The following LARP1 variants were observed in gnomAD, a reference collection of about 807,000 sequenced individuals.
The protein encoded by LARP1 is la-related protein 1.
LARP1 carries 36 observed loss-of-function variants against 122.7 expected under a neutral mutation model. That is an observed-to-expected ratio of 0.29 (90% CI 0.22 to 0.39). The LOEUF is 0.39. Ranked by LOEUF, LARP1 falls within the 10% of genes least tolerant of loss-of-function variation. LARP1 has a pLI of 1.00. For synonymous variants in LARP1, 539 were observed against 528.7 expected, an observed-to-expected ratio of 1.02 and a Z score of -0.27; for missense variants, 1,040 against 1,403.6, an observed-to-expected ratio of 0.74 and a Z score of 4.14.
At chr5:154,780,052 C>T (rs1756294982) in intron 1 of LARP1, among the ~76,000 whole-genome samples, 1 of 152,066 alleles carries the variant, frequency 6.6e-6, no homozygotes, top group African/African-American at 2.4e-5. Context: ...GCTGCCTGGC[C>T]AGGCTGGCCT....
chr5:154,709,598 ATTTTTTTTTTTTT>A (rs60062105), upstream of LARP1, among the ~76,000 whole-genome samples: 1,200 of 81,388 alleles, frequency 0.015, 21 homozygotes, highest in African/African-American at 0.057. Flanking sequence ...CTCCAGTGAG[ATTTTTTTTTTTTT>A]TTTTTTTTTT....
rs143557741 is a variant in LARP1 at position 154,762,378 on chromosome 5, G to A, written c.436+6185G>A. On this transcript the variant is annotated intron_variant, in intron 1 of 18. Coordinates refer to ENST00000518297, the MANE Select transcript of LARP1 (RefSeq NM_033551.3). The stretch of plus-strand genomic sequence containing the variant: ...TCTGAGGGTTTATCTGTGCCTTTCC[G>A]GAACTGAGTGGATAATCAGGAGTTA... Among the ~76,000 whole-genome samples the A allele has an allele frequency of 6.5e-3, 988 of 152,198 alleles. 1 individual carries two copies. The highest frequency in any genetic ancestry group is 0.01 in the Non-Finnish European group (705 of 68,010).
chr5:154,719,933 T>G (rs933318753), intron 1 of LARP1, among the ~76,000 whole-genome samples: 5 of 151,100 alleles, frequency 3.3e-5, no homozygotes, highest in African/African-American at 1.2e-4. Context: ...GGCTTATGCC[T>G]ATAATCCCAG....
intron 1 of LARP1, among the ~76,000 whole-genome samples, chr5:154,738,284 A>G (rs1582245208): frequency 6.6e-6 from 1 of 152,130 alleles, no homozygotes; most frequent in African/African-American, 2.4e-5. Flanking sequence ...GCCAGCCAAC[A>G]TCTTAATCTG....
chr5:154,813,922 C>T lies in LARP1; in HGVS notation c.3117C>T (p.His1039=), dbSNP rs764203055. The T allele has an allele frequency of 6.2e-7, 1 of 1,614,114 alleles. No individual in the cohort carries two copies. The highest frequency in any genetic ancestry group is 2.2e-5 in the East Asian group (1 of 44,882). ...PMGEEGNHKR[H]SVVAGGGGGE... ...GTGAGGAGGGCAACCACAAGCGACACTCAGTGGTAGCAGGAGGTGGCGGCG... is the reference window on the plus strand; with the variant it reads ...GTGAGGAGGGCAACCACAAGCGACATTCAGTGGTAGCAGGAGGTGGCGGCG... The change falls in exon 19 of 19, where the codon CAC becomes CAT. Residue 1039 remains histidine (H), a synonymous_variant. Transcript: ENST00000518297.
chr5:154,812,028 T>C (rs561286779), intron 18 of LARP1, among the ~76,000 whole-genome samples: 26 of 152,276 alleles, frequency 1.7e-4, no homozygotes, highest in African/African-American at 4.8e-4. Context: ...CCAGGTCTCT[T>C]ATGTTCTTGG....
At chr5:154,725,091 T>G (rs896415599) in intron 1 of LARP1, among the ~76,000 whole-genome samples, 1 of 151,268 alleles carries the variant, frequency 6.6e-6, no homozygotes, top group Admixed American at 6.6e-5. Flanking sequence ...CAAAAAAACT[T>G]TAAAATTAGC....
At chr5:154,798,199 A>G (rs1452456150) in intron 8 of LARP1, among the ~76,000 whole-genome samples, 2 of 152,190 alleles carry the variant, frequency 1.3e-5, no homozygotes, top group East Asian at 1.9e-4. Context: ...GTGGTTCTAG[A>G]GTCTCAGCAT....
In LARP1 at chr5:154,755,707, G is replaced by A. The variant is rs1051180257; in HGVS notation, c.-51G>A. 2.0e-6 allele frequency: 2 copies of A among 987,964 alleles called. No homozygotes were observed. The highest frequency in any genetic ancestry group is 3.5e-5 in the African/African-American group (2 of 57,394). The allele number at this position is 987,964 out of a possible 1,614,324, so 61.2% of individuals were successfully genotyped here. On this transcript the variant is annotated 5_prime_UTR_variant, in exon 1 of 19. Coordinates refer to ENST00000518297, the MANE Select transcript of LARP1 (RefSeq NM_033551.3). Reference sequence around the variant, plus strand: ...CGCTCTGCTAGCCAAGTTCGAGGCGGGGGAGGCAGCCTCGGGCGCGCCCGG... The same window carrying A: ...CGCTCTGCTAGCCAAGTTCGAGGCGAGGGAGGCAGCCTCGGGCGCGCCCGG...
chr5:154,776,557 G>A lies in LARP1; in HGVS notation c.437-13768G>A, dbSNP rs557243465. On this transcript the variant is annotated intron_variant, in intron 1 of 18. Transcript: ENST00000518297. ...GGTTTGGAGACCTGGGTTCCTTCCT[G>A]GCAGTCTCACTCATTGGCAGCTCAG... is the stretch of plus-strand genomic sequence containing the variant. Among the ~76,000 whole-genome samples, 4 of 152,304 alleles carry A rather than the reference G, an allele frequency of 2.6e-5. No homozygotes were observed. The South Asian group carries it at 8.3e-4, about 32-fold the overall frequency.
rs116073848 is a variant in LARP1 at position 154,776,913 on chromosome 5, T to G, written c.437-13412T>G. ...TCTGCTATTTTTCTTTTCAAGTAAT[T>G]TAAGTGTTTAATACATACTAAGGAA... On this transcript the variant is annotated intron_variant, in intron 1 of 18. Coordinates refer to ENST00000518297, the MANE Select transcript of LARP1 (RefSeq NM_033551.3). Among the ~76,000 whole-genome samples the G allele has an allele frequency of 4.9e-3, 741 of 152,328 alleles. 4 individuals are homozygous for G. The highest frequency in any genetic ancestry group is 0.017 in the African/African-American group (725 of 41,566).
chr5:154,790,537 G>C (rs1346996666), intron 2 of LARP1, 108 bp from the exon 3 acceptor site: 2 of 1,346,526 alleles, frequency 1.5e-6, no homozygotes, highest in Admixed American at 3.4e-5. Flanking sequence ...GAATGGTCCT[G>C]GTGAACAGAC....
chr5:154,753,716 C>T (rs1214257655), upstream of LARP1, among the ~76,000 whole-genome samples: 2 of 152,160 alleles, frequency 1.3e-5, no homozygotes, highest in Non-Finnish European at 2.9e-5. Context: ...CAGGGAAGTG[C>T]GGCTAGCTGG....
intron 15 of LARP1, among the ~76,000 whole-genome samples, chr5:154,808,106 A>G (rs1431294662): frequency 6.6e-6 from 1 of 152,152 alleles, no homozygotes; most frequent in Non-Finnish European, 1.5e-5. Flanking sequence ...AATATTGGTA[A>G]TGAGCTAAAT....
intron 1 of LARP1, among the ~76,000 whole-genome samples, chr5:154,767,531 A>G (rs1305571213): frequency 6.6e-6 from 1 of 152,170 alleles, no homozygotes; most frequent in Non-Finnish European, 1.5e-5. Context: ...TCCATATTGA[A>G]GTGGAATTTA....
At chr5:154,771,383 C>G (rs1301890385) in intron 1 of LARP1, among the ~76,000 whole-genome samples, 2 of 152,180 alleles carry the variant, frequency 1.3e-5, no homozygotes, top group Non-Finnish European at 2.9e-5. Context: ...TGGGATCTAG[C>G]TACAGTGACA....
chr5:154,802,265 G>T lies in LARP1; in HGVS notation c.1975G>T (p.Gly659Trp). Residue 659 changes from glycine to tryptophan, a missense_variant, in exon 11 of 19, where the codon GGG becomes TGG. This residue lies in a region of LARP1 where 362 missense variants were observed against 533.1 expected (regional missense o/e 0.68). Transcript: ENST00000518297. This position sits in a 1 kb window ranked among gnomAD's most constrained non-coding sequence, Gnocchi z 5.1. Reference sequence around the variant, plus strand: ...ACATTACATGCGCCGGCACCCAGGGGGGGACCGCACAGGCAACCACACCTC... The same window carrying T: ...ACATTACATGCGCCGGCACCCAGGGTGGGACCGCACAGGCAACCACACCTC... Reference protein sequence around the residue: ...TPHYMRRHPGGDRTGNHTSRA... With the variant: ...TPHYMRRHPGWDRTGNHTSRA... 2 of 1,614,200 alleles carry T rather than the reference G, an allele frequency of 1.2e-6. No individual in the cohort carries two copies. The highest frequency in any genetic ancestry group is 1.6e-4 in the Middle Eastern group (1 of 6,062).
At chr5:154,738,107 C>T (rs756330675) in intron 1 of LARP1, among the ~76,000 whole-genome samples, 7 of 152,188 alleles carry the variant, frequency 4.6e-5, no homozygotes, top group African/African-American at 7.2e-5. Context: ...CTCAGCTCCA[C>T]GATCTGATGG....
At chr5:154,788,004 T>G (rs536946587) in intron 1 of LARP1, among the ~76,000 whole-genome samples, 1 of 152,392 alleles carries the variant, frequency 6.6e-6, no homozygotes, top group African/African-American at 2.4e-5. Flanking sequence ...ACCTGATTTC[T>G]CTTTATAACA....
Sources: allele counts gnomAD v4.1 joint callset (sites outside exome capture counted in the v4.1 genomes callset), GRCh38; gene constraint gnomAD v4.1.1; regional missense constraint gnomAD v4.1.1; non-coding constraint Gnocchi (gnomAD v3.1); transcripts MANE v1.5; gene names NCBI Gene and HGNC (gene_info 2026-07-23, HGNC 2026-07-21).